Variants in DSTYK observed in about 807,000 individuals in gnomAD.
DSTYK encodes RIP-homologous kinase.
Under a neutral mutation model 98.7 loss-of-function variants are expected in DSTYK, and 34 were observed. The observed-to-expected ratio is 0.34, with a 90% CI of 0.26 to 0.46. DSTYK has a LOEUF of 0.46. Among genes scored for constraint, DSTYK ranks in the 20% least tolerant of loss-of-function variants. The pLI is 1.00. For missense variants in DSTYK, 962 were observed against 1,181.7 expected (o/e 0.81, Z 2.73); for synonymous variants, 462 against 457.3 (o/e 1.01, Z -0.13).
intron 1 of DSTYK, among the ~76,000 whole-genome samples, chr1:205,196,927 T>G (rs1265736504): frequency 6.7e-6 from 1 of 149,240 alleles, no homozygotes; most frequent in African/African-American, 2.4e-5. Flanking sequence ...CCTGGCTAAT[T>G]TTTTTTTTTG....
rs1450151057 is a variant in DSTYK at position 205,210,513 on chromosome 1, C to T, written c.265+758G>A. ...AACAGCAGTTTAAAAGGAAGCAAGA[C>T]GTTAGGAAAGATTAAAGACTGCACG... On this transcript the variant is annotated intron_variant, in intron 1 of 12. Transcript: ENST00000367162. 3.9e-5 allele frequency among the ~76,000 whole-genome samples: 6 copies of T among 152,128 alleles called. 1 individual carries two copies. The highest frequency in any genetic ancestry group is 1.3e-4 in the Admixed American group (2 of 15,272).
intron 1 of DSTYK, among the ~76,000 whole-genome samples, chr1:205,203,901 C>T (rs1046124717): frequency 3.9e-5 from 6 of 152,042 alleles, no homozygotes; most frequent in South Asian, 2.1e-4. Context: ...GGCAACAGAG[C>T]GAGACTCTGT....
chr1:205,156,772 C>G (rs1657575884), intron 10 of DSTYK, among the ~76,000 whole-genome samples: 1 of 152,102 alleles, frequency 6.6e-6, no homozygotes, highest in Non-Finnish European at 1.5e-5. Flanking sequence ...GACATGAGAT[C>G]TGGGAGGGGC....
At chr1:205,207,747 C>A (rs1659246905) in intron 1 of DSTYK, among the ~76,000 whole-genome samples, 2 of 77,764 alleles carry the variant, frequency 2.6e-5, no homozygotes, top group Non-Finnish European at 4.3e-5. Context: ...TACAGAGAGA[C>A]TCTGTCTCAA....
intron 10 of DSTYK, among the ~76,000 whole-genome samples, chr1:205,155,285 G>A (rs1368949402): frequency 2.7e-5 from 4 of 150,764 alleles, no homozygotes; most frequent in Middle Eastern, 3.4e-3. Context: ...TACCCACCCC[G>A]GAAGAAATTT....
intron 1 of DSTYK, among the ~76,000 whole-genome samples, chr1:205,203,546 AAGGGGAGGGGAGGGGAGGGGAGGGG>A (rs1173840146): frequency 2.0e-4 from 1 of 4,886 alleles, no homozygotes; most frequent in Admixed American, 3.9e-3. Context: ...TACGGTAGGG[AAGGGGAGGGGAGGGGAGGGGAGGGG>A]AGGGGAGGGG....
intron 2 of DSTYK, among the ~76,000 whole-genome samples, chr1:205,171,574 C>G (rs1658066068): frequency 6.6e-6 from 1 of 151,982 alleles, no homozygotes; most frequent in South Asian, 2.1e-4. Context: ...GTGAAGGTTC[C>G]AAACACACAA....
chr1:205,165,287 C>T (rs1435192355), intron 3 of DSTYK, among the ~76,000 whole-genome samples: 1 of 152,058 alleles, frequency 6.6e-6, no homozygotes, highest in African/African-American at 2.4e-5. Flanking sequence ...GATGGGGTTT[C>T]ACCATGTTGG....
chr1:205,161,051 G>T (rs1220595228), intron 7 of DSTYK, among the ~76,000 whole-genome samples: 1 of 152,140 alleles, frequency 6.6e-6, no homozygotes, highest in African/African-American at 2.4e-5. Flanking sequence ...TAAGATTACA[G>T]GTGTGAGCCA....
Position 205,196,351 on chromosome 1 carries a change from G to A in DSTYK, c.266-8545C>T, listed in dbSNP as rs118178245. 5.4e-4 allele frequency among the ~76,000 whole-genome samples: 82 copies of A among 152,094 alleles called. 2 individuals are homozygous for A. In the East Asian group the frequency reaches 0.012, roughly 23 times the overall value. On this transcript the variant is annotated intron_variant, in intron 1 of 12. Coordinates refer to ENST00000367162, the MANE Select transcript of DSTYK (RefSeq NM_015375.3). Reference sequence around the variant, plus strand: ...GCAGGAGGATCGCTTGAGCCTAGAAGTTCAAAACCAACCTGGGCAACATAG... The same window carrying A: ...GCAGGAGGATCGCTTGAGCCTAGAAATTCAAAACCAACCTGGGCAACATAG...
chr1:205,151,496 C>G (rs1302982351), intron 10 of DSTYK, among the ~76,000 whole-genome samples: 1 of 152,016 alleles, frequency 6.6e-6, no homozygotes, highest in African/African-American at 2.4e-5. Context: ...TTTAAAGAGA[C>G]AGGGTTGTGC....
intron 10 of DSTYK, among the ~76,000 whole-genome samples, chr1:205,155,588 G>A (rs1657533278): frequency 1.3e-5 from 2 of 151,640 alleles, no homozygotes; most frequent in Non-Finnish European, 2.9e-5. Context: ...AACCTGGGAG[G>A]TGGAGGTTAC....
chr1:205,203,659 T>A (rs1453806695), intron 1 of DSTYK, among the ~76,000 whole-genome samples: 1 of 151,086 alleles, frequency 6.6e-6, no homozygotes, highest in Non-Finnish European at 1.5e-5. Context: ...CTCATGCCTG[T>A]AATCCCAGTG....
At position 205,211,416 on chromosome 1, in the gene DSTYK, C is replaced by A. The variant is rs201374829; in HGVS notation, c.120G>T (p.Arg40=). The A allele has an allele frequency of 5.1e-4, 814 of 1,610,176 alleles. 9 individuals are homozygous for A. In the East Asian group the frequency reaches 0.011, roughly 22 times the overall value. The change falls in exon 1 of 13, where the codon CGG becomes CGT. Residue 40 remains arginine (R), a synonymous_variant. Transcript: ENST00000367162. ...GFGRYRRYLG[R]LRQNLRETQK... ...GGGTCTCGCGCAGGTTCTGTCGCAG[C>A]CGTCCCAGGTAGCGGCGGTAGCGGC...
chr1:205,154,672 G>A (rs1368943208), intron 10 of DSTYK, among the ~76,000 whole-genome samples: 1 of 152,194 alleles, frequency 6.6e-6, no homozygotes, highest in Non-Finnish European at 1.5e-5. Flanking sequence ...AAGCGACTTT[G>A]GAACTGAGTA....
intron 3 of DSTYK, among the ~76,000 whole-genome samples, chr1:205,164,937 T>G (rs1657843892): frequency 6.6e-6 from 1 of 152,130 alleles, no homozygotes; most frequent in South Asian, 2.1e-4. Context: ...GAGAACAAAG[T>G]AGACATGGGA....
At chr1:205,148,407 GC>G in intron 11 of DSTYK, 68 bp from the exon 12 acceptor site, 1 of 1,594,486 alleles carries the variant, frequency 6.3e-7, no homozygotes. Context: ...ACACCACCTT[GC>G]CTCAGTAGAG....
chr1:205,187,394 G>A (rs751238750), intron 2 of DSTYK, 24 bp downstream of exon 2: 1 of 1,574,186 alleles, frequency 6.4e-7, no homozygotes, highest in Admixed American at 1.8e-5. Flanking sequence ...GTATACAATT[G>A]GTATAGAAGT....
chr1:205,211,038 C>T (rs1659356954), intron 1 of DSTYK, among the ~76,000 whole-genome samples: 1 of 152,216 alleles, frequency 6.6e-6, no homozygotes, highest in African/African-American at 2.4e-5. Flanking sequence ...CTCCGGCCCT[C>T]GGTTGCCCCT....
Sources: gnomAD v4.1 joint callset for allele counts (sites outside exome capture counted in the v4.1 genomes callset) on GRCh38, gnomAD v4.1.1 for gene constraint, MANE v1.5 for transcripts, NCBI Gene and HGNC (gene_info 2026-07-23, HGNC 2026-07-21) for gene names.